Variants in LRPPRC observed in about 807,000 individuals in gnomAD.
LRPPRC encodes the protein leucine-rich PPR motif-containing protein, mitochondrial.
Under a neutral mutation model 180.3 loss-of-function variants are expected in LRPPRC, and 120 were observed. The ratio of observed to expected loss-of-function variants is 0.67; its 90% confidence interval spans 0.57 to 0.77. The LOEUF (loss-of-function observed/expected upper bound fraction) is 0.77, where lower values mean the gene tolerates loss of function less well. LRPPRC is among the 30% of genes least tolerant of loss of function. LRPPRC has a pLI of 0.00. For synonymous variants in LRPPRC, 723 were observed against 600.0 expected, an observed-to-expected ratio of 1.21 and a Z score of -3.00; for missense variants, 2,012 against 1,657.2, an observed-to-expected ratio of 1.21 and a Z score of -3.72.
rs1340158197 is a variant in LRPPRC, at chr2:43,973,515, T to A, written c.1369+92A>T. On this transcript the variant is annotated intron_variant, in intron 11 of 37. Transcript: ENST00000260665. ...TTATCTCATAATACTCAGGAATAAGTATGCTTTTCCAAAGAATCCAATTAG... is the reference window on the plus strand; with the variant it reads ...TTATCTCATAATACTCAGGAATAAGAATGCTTTTCCAAAGAATCCAATTAG... 7 of 811,676 alleles carry A rather than the reference T, an allele frequency of 8.6e-6. No homozygotes were observed. The East Asian group carries it at 1.5e-4, about 17-fold the overall frequency. The allele number at this position is 811,676 out of a possible 1,614,324, so 50.3% of individuals were successfully genotyped here.
At chr2:43,934,144 G>C (rs780785209) in intron 25 of LRPPRC, 46 bp downstream of exon 25, 2 of 1,033,896 alleles carry the variant, frequency 1.9e-6, no homozygotes, top group South Asian at 2.6e-5. Flanking sequence ...TTCTAATTAA[G>C]AGTCTAAATA....
At chr2:43,969,437 C>T (rs889979635) in intron 11 of LRPPRC, among the ~76,000 whole-genome samples, 8 of 151,580 alleles carry the variant, frequency 5.3e-5, no homozygotes, top group Admixed American at 3.9e-4. Context: ...AACCAAGTCT[C>T]TTAATTCCTG....
chr2:43,945,962 G>T, intron 21 of LRPPRC, 151 bp downstream of exon 21: 1 of 754,180 alleles, frequency 1.3e-6, no homozygotes, highest in Non-Finnish European at 2.2e-6. Context: ...TAATTAAAGA[G>T]CCGTATAATA....
Position 43,995,922 on chromosome 2 carries a change from C to T in LRPPRC, c.26G>A (p.Arg9His). 9 of 1,518,694 alleles carry T rather than the reference C, an allele frequency of 5.9e-6. No homozygotes were observed. Among genetic ancestry groups the T allele is most frequent in the Non-Finnish European group, 7.9e-6 (9 of 1,140,572 alleles). 94.1% of individuals were successfully genotyped at this position (1,518,694 alleles called of 1,614,324 possible). A position where few individuals can be genotyped will look rare whatever the true frequency, so the allele number is the denominator to read the frequency against. Reference protein sequence around the residue: MAALLRSARWLLRAGAAPR... With the variant: MAALLRSAHWLLRAGAAPR... ...GGCCGCCCCGGCACGCAGCAACCAA[C>T]GCGCGGATCTCAGCAGGGCTGCCAT... Residue 9 changes from arginine to histidine, a missense_variant, in exon 1 of 38, where the codon CGT becomes CAT. Coordinates refer to ENST00000260665, the MANE Select transcript of LRPPRC (RefSeq NM_133259.4).
intron 3 of LRPPRC, among the ~76,000 whole-genome samples, chr2:43,978,941 A>G (rs1395929052): frequency 6.6e-6 from 1 of 152,138 alleles, no homozygotes. Flanking sequence ...CAGATTAAAC[A>G]ATCACATCAT....
intron 22 of LRPPRC, among the ~76,000 whole-genome samples, chr2:43,944,207 T>A (rs1465681155): frequency 2.0e-5 from 3 of 152,066 alleles, no homozygotes; most frequent in African/African-American, 7.2e-5. Context: ...CGTTCAGAGC[T>A]AACATCTGCT....
intron 1 of LRPPRC, among the ~76,000 whole-genome samples, chr2:43,990,591 C>A (rs562524187): frequency 3.9e-5 from 6 of 152,334 alleles, no homozygotes; most frequent in South Asian, 2.1e-4. Flanking sequence ...AGTCTCTTCA[C>A]GCTCTTCTCT....
chr2:43,894,780 C>T (rs1270567321), intron 35 of LRPPRC, 151 bp from the exon 36 acceptor site: 2 of 614,676 alleles, frequency 3.3e-6, no homozygotes, highest in Non-Finnish European at 5.9e-6. Context: ...TGTATATTAG[C>T]ATTTGATATT....
At chr2:43,926,330 C>T (rs1467663201) in intron 25 of LRPPRC, among the ~76,000 whole-genome samples, 4 of 152,074 alleles carry the variant, frequency 2.6e-5, no homozygotes, top group Non-Finnish European at 4.4e-5. Context: ...CAAAAATAAG[C>T]GATAAACTAG....
chr2:43,954,628 G>C (rs1301856982), intron 14 of LRPPRC, among the ~76,000 whole-genome samples: 1 of 152,120 alleles, frequency 6.6e-6, no homozygotes, highest in African/African-American at 2.4e-5. Flanking sequence ...TAGCCACTGA[G>C]GGGGGATAAA....
intron 1 of LRPPRC, among the ~76,000 whole-genome samples, chr2:43,993,501 T>C (rs1674877784): frequency 6.6e-6 from 1 of 151,880 alleles, no homozygotes; most frequent in Non-Finnish European, 1.5e-5. Context: ...GACAGAGAAG[T>C]ATGGACAGGG....
rs1558878340 is a variant in LRPPRC at position 43,887,146 on chromosome 2, A to AAAAAAAAAAAG, written c.*1453_*1454insCTTTTTTTTTT. On this transcript the variant is annotated 3_prime_UTR_variant, in exon 38 of 38. Transcript: ENST00000260665. ...AAGCAACAGAGCAAGACTATCTCAA[A>AAAAAAAAAAAG]AAAAAAAAAAAAAAAAAAGATGCTT... is the stretch of plus-strand genomic sequence containing the variant. The AAAAAAAAAAAG allele has an allele frequency of 6.8e-6, 1 of 147,988 alleles. No homozygotes were observed. Among genetic ancestry groups the AAAAAAAAAAAG allele is most frequent in the Non-Finnish European group, 1.5e-5 (1 of 66,952 alleles). The allele number at this position is 147,988 out of a possible 1,614,324, so 9.2% of individuals were successfully genotyped here. A position where few individuals can be genotyped will look rare whatever the true frequency, so the allele number is the denominator to read the frequency against.
chr2:43,967,132 C>T (rs555926519), intron 11 of LRPPRC, among the ~76,000 whole-genome samples: 1 of 152,230 alleles, frequency 6.6e-6, no homozygotes, highest in East Asian at 1.9e-4. Flanking sequence ...GGTGAGATGG[C>T]TCATGCTTGT....
At chr2:43,900,364 T>C (rs1291213768) in intron 32 of LRPPRC, among the ~76,000 whole-genome samples, 1 of 152,158 alleles carries the variant, frequency 6.6e-6, no homozygotes, top group African/African-American at 2.4e-5. Flanking sequence ...GTGTTGAAAT[T>C]ATTATATTAA....
At position 43,910,461 on chromosome 2, in the gene LRPPRC, C is replaced by T. The variant is rs112270427; in HGVS notation, c.3275+1971G>A. Among the ~76,000 whole-genome samples, 64 of 152,288 alleles carry T rather than the reference C, an allele frequency of 4.2e-4. 1 individual carries two copies. The highest frequency in any genetic ancestry group is 1.5e-3 in the African/African-American group (61 of 41,566). On this transcript the variant is annotated intron_variant, in intron 30 of 37. Transcript: ENST00000260665. ...TGTTGGCCAGGCTGGTCTCGAACTCCTGACCTCAAGGGATCCTTCCGCCTT... is the reference window on the plus strand; with the variant it reads ...TGTTGGCCAGGCTGGTCTCGAACTCTTGACCTCAAGGGATCCTTCCGCCTT...
chr2:43,970,528 G>A (rs544162359), intron 11 of LRPPRC, among the ~76,000 whole-genome samples: 2 of 152,146 alleles, frequency 1.3e-5, no homozygotes, highest in South Asian at 4.2e-4. Context: ...CATTAACTTA[G>A]ATATAAATAG....
chr2:43,889,045 A>C (rs539260742), intron 37 of LRPPRC, among the ~76,000 whole-genome samples: 2 of 152,344 alleles, frequency 1.3e-5, no homozygotes, highest in East Asian at 3.9e-4. Context: ...TGCCGGGCAC[A>C]GTGGCTCACG....
chr2:43,957,271 C>G, intron 14 of LRPPRC, 114 bp downstream of exon 14: 1 of 798,388 alleles, frequency 1.3e-6, no homozygotes, highest in Non-Finnish European at 2.2e-6. Flanking sequence ...TTCAGGTAAA[C>G]TGAATGTACA....
chr2:43,968,498 T>G (rs1168799502), intron 11 of LRPPRC, among the ~76,000 whole-genome samples: 1 of 152,178 alleles, frequency 6.6e-6, no homozygotes, highest in Non-Finnish European at 1.5e-5. Context: ...AAAAAAAGAA[T>G]TTTCAATATT....
Sources: gnomAD v4.1 joint callset for allele counts (sites outside exome capture counted in the v4.1 genomes callset) on GRCh38, gnomAD v4.1.1 for gene constraint, MANE v1.5 for transcripts, NCBI Gene and HGNC (gene_info 2026-07-23, HGNC 2026-07-21) for gene names.